FAS: variants seen among roughly 807,000 people sequenced by gnomAD.
FAS encodes the protein tumor necrosis factor receptor superfamily member 6.
Under a neutral mutation model 33.2 loss-of-function variants are expected in FAS, and 5 were observed. That is an observed-to-expected ratio of 0.15 (90% CI 0.08 to 0.32). The LOEUF is 0.32. Ranked by LOEUF, FAS falls within the 10% of genes least tolerant of loss-of-function variation. The pLI, the probability that FAS is intolerant of heterozygous loss-of-function variation, is 1.00. For missense variants in FAS, 339 were observed against 386.0 expected, an observed-to-expected ratio of 0.88 and a Z score of 1.02; for synonymous variants, 131 against 130.7, an observed-to-expected ratio of 1.00 and a Z score of -0.01.
intron 2 of FAS, among the ~76,000 whole-genome samples, chr10:88,980,717 G>A (rs915977861): frequency 3.9e-5 from 6 of 152,294 alleles, no homozygotes; most frequent in East Asian, 3.9e-4. Context: ...TCTGGAGCAA[G>A]TTGCATTCTG....
At chr10:89,011,594 A>G (rs1308937216) in intron 6 of FAS, among the ~76,000 whole-genome samples, 1 of 152,238 alleles carries the variant, frequency 6.6e-6, no homozygotes, top group Non-Finnish European at 1.5e-5. Flanking sequence ...CCTATTGAGT[A>G]TGTATGCTTG....
chr10:88,983,626 A>C (rs1358059537), upstream of FAS, among the ~76,000 whole-genome samples: 2 of 147,456 alleles, frequency 1.4e-5, no homozygotes, highest in East Asian at 1.9e-4. Flanking sequence ...AAAAAAAAAA[A>C]AAAAAAAAAA....
chr10:88,984,359 C>T (rs529334403), upstream of FAS, among the ~76,000 whole-genome samples: 2 of 152,244 alleles, frequency 1.3e-5, no homozygotes, highest in Admixed American at 6.5e-5. Context: ...TCCCATACTA[C>T]CTTTCTGCCT....
At chr10:88,986,680 CAGGAAGGAAGTAGT>C, upstream of FAS, among the ~76,000 whole-genome samples, 1 of 81,388 alleles carries the variant, frequency 1.2e-5, no homozygotes, top group African/African-American at 6.2e-5. Context: ...GGAAGTAGTG[CAGGAAGGAAGTAGT>C]GCAGGAAGGA....
intron 2 of FAS, chr10:88,973,983 G>A (rs1196570229): frequency 6.6e-6 from 1 of 152,224 alleles, no homozygotes; most frequent in Non-Finnish European, 1.5e-5. Context: ...TGTATTTTTA[G>A]TAGAGATGGG....
chr10:88,985,265 C>G (rs571344954), upstream of FAS, among the ~76,000 whole-genome samples: 1 of 152,264 alleles, frequency 6.6e-6, no homozygotes, highest in East Asian at 1.9e-4. Context: ...GGATTTATAT[C>G]TAGGGACTCT....
At chr10:89,011,607 T>C (rs1242928181) in intron 6 of FAS, among the ~76,000 whole-genome samples, 1 of 152,134 alleles carries the variant, frequency 6.6e-6, no homozygotes, top group East Asian at 1.9e-4. Flanking sequence ...TATGCTTGAG[T>C]TATTTGTGTG....
In FAS at chr10:88,977,466, A is replaced by G. The variant is rs184450375; in HGVS notation, n.260+4119A>G. Among the ~76,000 whole-genome samples, 37 of 152,246 alleles carry G rather than the reference A, an allele frequency of 2.4e-4. No homozygotes were observed. In the East Asian group the frequency reaches 6.9e-3, roughly 29 times the overall value. On this transcript the variant is annotated intron_variant and non_coding_transcript_variant, in intron 2 of 3. Coordinates refer to the FAS transcript ENST00000688239. ...TTTTCTCAGGTTTGTCAAAGATCAG[A>G]TAGTTGTAGATATGCGGCGTTCAAC...
chr10:88,973,306 A>G, exon 2 of FAS: 5 of 1,598,010 alleles, frequency 3.1e-6, no homozygotes, highest in Non-Finnish European at 4.3e-6. Context: ...CCATCTGAAC[A>G]GCTCTGAGAG....
chr10:88,995,703 G>A (rs1259480370), intron 1 of FAS, among the ~76,000 whole-genome samples: 1 of 152,098 alleles, frequency 6.6e-6, no homozygotes, highest in Admixed American at 6.5e-5. Context: ...TGGCGTGCCT[G>A]TTATCTCAGC....
chr10:88,997,681 A>G (rs1423773583), intron 1 of FAS, among the ~76,000 whole-genome samples: 2 of 152,186 alleles, frequency 1.3e-5, no homozygotes, highest in East Asian at 3.8e-4. Flanking sequence ...TTAGAGATGC[A>G]TTATCTTATT....
chr10:88,973,516 A>T, intron 2 of FAS: 1 of 500,204 alleles, frequency 2.0e-6, no homozygotes. Flanking sequence ...GAGGCCAGGT[A>T]CCCTGTCACC....
chr10:88,999,168 T>TAAAATA lies in FAS; in HGVS notation c.31-3858_31-3857insATAAAA, dbSNP rs1554848996. 2.4e-3 allele frequency among the ~76,000 whole-genome samples: 164 copies of TAAAATA among 67,840 alleles called. 1 individual carries two copies. The highest frequency in any genetic ancestry group is 6.5e-3 in the African/African-American group (152 of 23,560). The allele number at this position is 67,840 out of a possible 152,430, so 44.5% of individuals were successfully genotyped here. A position where few individuals can be genotyped will look rare whatever the true frequency, so the allele number is the denominator to read the frequency against. On this transcript the variant is annotated intron_variant, in intron 1 of 8. Coordinates refer to ENST00000652046, the MANE Select transcript of FAS (RefSeq NM_000043.6). The stretch of plus-strand genomic sequence containing the variant: ...ACTCCGTCTCAAAAAAATAAATAAA[T>TAAAATA]AAATAAAATAAAATAAAATAAAATA...
intron 1 of FAS, among the ~76,000 whole-genome samples, chr10:88,994,857 TG>T (rs1271913825): frequency 2.3e-4 from 35 of 151,342 alleles, no homozygotes; most frequent in South Asian, 4.2e-4. Context: ...AATTTACTAT[TG>T]AAAAAAAGCA....
chr10:88,987,466 ATGGTTTCCTCTCAGTG>A (rs546769647), upstream of FAS, among the ~76,000 whole-genome samples: 46 of 152,336 alleles, frequency 3.0e-4, no homozygotes, highest in African/African-American at 8.7e-4. Context: ...ATCTTTCAGC[ATGGTTTCCTCTCAGTG>A]TGGTTTCCTC....
upstream of FAS, among the ~76,000 whole-genome samples, chr10:88,982,251 A>G (rs11202918): frequency 0.35 from 53,661 of 151,998 alleles, 10,241 homozygotes; most frequent in East Asian, 0.52. Context: ...CATTGAATGA[A>G]ATCATATTTA....
At chr10:88,978,771 A>G (rs1359287673) in intron 2 of FAS, among the ~76,000 whole-genome samples, 2 of 152,120 alleles carry the variant, frequency 1.3e-5, no homozygotes, top group African/African-American at 4.8e-5. Context: ...CTCTTCTACA[A>G]ATTCATGCTA....
At chr10:88,983,609 C>CAAAA (rs71022549), upstream of FAS, among the ~76,000 whole-genome samples, 14 of 46,460 alleles carry the variant, frequency 3.0e-4, no homozygotes, top group Admixed American at 7.2e-4. Flanking sequence ...ACAGGTTATG[C>CAAAA]AAAAAAAAAA....
chr10:89,013,291 C>A, intron 7 of FAS, 52 bp from the exon 8 acceptor site: 3 of 1,552,798 alleles, frequency 1.9e-6, no homozygotes, highest in South Asian at 2.3e-5. Context: ...TTAGAATATT[C>A]TAAAGATATA....
Sources: gnomAD v4.1 joint callset for allele counts (sites outside exome capture counted in the v4.1 genomes callset) on GRCh38, gnomAD v4.1.1 for gene constraint, MANE v1.5 for transcripts, NCBI Gene and HGNC (gene_info 2026-07-23, HGNC 2026-07-21) for gene names.